Variants in CCDC17 observed in about 807,000 individuals in gnomAD.
CCDC17 encodes the protein coiled-coil domain containing 17, also known as coiled-coil domain-containing protein 17.
CCDC17 carries 79 observed loss-of-function variants against 68.0 expected under a neutral mutation model. The observed-to-expected ratio is 1.16, with a 90% confidence interval of 0.97 to 1.40. The LOEUF is 1.40. Ranked by LOEUF, CCDC17 falls within the 40% of genes most tolerant of loss-of-function variation. CCDC17 has a pLI of 0.00. For synonymous variants in CCDC17, 376 were observed against 337.5 expected (o/e 1.11, Z -1.25); for missense variants, 846 against 811.5 (o/e 1.04, Z -0.52).
chr1:45,623,005 T>TC lies in CCDC17; in HGVS notation c.605dup (p.Ala203SerfsTer100), dbSNP rs1644328676. ...TGCGGGCCCCCAACACCTCTAGAGC[T>TC]CCCCGCGTCCTCCCGGCCTCAGCTT... is the stretch of plus-strand genomic sequence containing the variant. On this transcript the variant is annotated frameshift_variant, in exon 4 of 13. Coordinates refer to ENST00000528266, the MANE Select transcript of CCDC17 (RefSeq NM_001114938.3). LOFTEE classifies it high-confidence loss of function. 5 of 1,612,022 alleles carry TC rather than the reference T, an allele frequency of 3.1e-6. No individual in the cohort carries two copies. Among genetic ancestry groups the TC allele is most frequent in the Non-Finnish European group, 4.2e-6 (5 of 1,179,020 alleles).
rs2275085 is a variant in CCDC17 at position 45,620,180 on chromosome 1, C to T, written c.*95G>A. 0.7 allele frequency: 974,364 copies of T among 1,392,158 alleles called. 341,969 individuals are homozygous for T. Among genetic ancestry groups the T allele is most frequent in the African/African-American group, 0.76 (51,244 of 67,860 alleles). 86.2% of individuals were successfully genotyped at this position (1,392,158 alleles called of 1,614,324 possible). A position where few individuals can be genotyped will look rare whatever the true frequency, so the allele number is the denominator to read the frequency against. ...TACTCAACTGCTAGATGCTTCTAGA[C>T]CCAATGTCAGAACATGGAGTAGTAA... On this transcript the variant is annotated 3_prime_UTR_variant, in exon 13 of 13. Transcript: ENST00000528266.
chr1:45,622,487 T>TCC, intron 6 of CCDC17, 62 bp downstream of exon 6: 1 of 1,504,876 alleles, frequency 6.6e-7, no homozygotes. Context: ...CCACAGGCCC[T>TCC]CCCTCGAGTT....
Position 45,622,431 on chromosome 1 carries a change from G to A in CCDC17, c.860-83C>T, listed in dbSNP as rs527286722. ...CTGTGAGCAGCTCTCCAGCGCTAAGGCTCTTCGGATAAGGCTGGACTTGTC... is the reference window on the plus strand; with the variant it reads ...CTGTGAGCAGCTCTCCAGCGCTAAGACTCTTCGGATAAGGCTGGACTTGTC... On this transcript the variant is annotated intron_variant, in intron 6 of 12. Transcript: ENST00000528266. The A allele has an allele frequency of 6.0e-5, 88 of 1,474,818 alleles. 2 individuals carry two copies. In the African/African-American group the frequency reaches 1.1e-3, roughly 18 times the overall value. 91.4% of individuals were successfully genotyped at this position (1,474,818 alleles called of 1,614,324 possible).
chr1:45,622,445 G>C (rs1644300427), intron 6 of CCDC17, 97 bp from the exon 7 acceptor site: 10 of 1,469,212 alleles, frequency 6.8e-6, no homozygotes, highest in Non-Finnish European at 8.3e-6. Flanking sequence ...TTCGGATAAG[G>C]CTGGACTTGT....
Position 45,620,252 on chromosome 1 carries a change from C to T in CCDC17, c.*23G>A. On this transcript the variant is annotated 3_prime_UTR_variant, in exon 13 of 13. Coordinates refer to ENST00000528266, the MANE Select transcript of CCDC17 (RefSeq NM_001114938.3). The stretch of plus-strand genomic sequence containing the variant: ...CCCCAGTCCTGTGCATGTTCAGATG[C>T]TCATCTCCACATTCACTTGGGTTCA... 6.2e-7 allele frequency: 1 copy of T among 1,602,818 alleles called. No individual in the cohort carries two copies. The highest frequency in any genetic ancestry group is 8.5e-7 in the Non-Finnish European group (1 of 1,176,220).
rs999751032 is a variant in CCDC17 at position 45,623,453 on chromosome 1, C to G, written c.271-14G>C. The G allele has an allele frequency of 6.5e-7, 1 of 1,549,866 alleles. No homozygotes were observed. The highest frequency in any genetic ancestry group is 2.0e-5 in the Admixed American group (1 of 51,006). The stretch of plus-strand genomic sequence containing the variant: ...CAGCCACTGCACCTGGAGGTAACAG[C>G]GATCCGCGATCTCTGCGTGGGCAGA... On this transcript the variant is annotated splice_polypyrimidine_tract_variant and intron_variant, in intron 2 of 12. Transcript: ENST00000528266.
At chr1:45,622,205 T>G (rs745919310) in intron 7 of CCDC17, 36 bp downstream of exon 7, 86 of 1,571,432 alleles carry the variant, frequency 5.5e-5, no homozygotes, top group Admixed American at 1.1e-4. Context: ...TGGGGAGAGA[T>G]AAGTGGGATG....
chr1:45,620,495 G>GAGTT (rs761174547), intron 12 of CCDC17, 62 bp from the exon 13 acceptor site: 1 of 1,476,340 alleles, frequency 6.8e-7, no homozygotes, highest in African/African-American at 1.4e-5. Context: ...ACAGGTTTTG[G>GAGTT]AGTTAGTTAG....
In CCDC17 at chr1:45,623,022, C is replaced by G; in HGVS notation, c.589G>C (p.Ala197Pro). 1 of 1,612,940 alleles carries G rather than the reference C, an allele frequency of 6.2e-7. No individual in the cohort carries two copies. The highest frequency in any genetic ancestry group is 8.5e-7 in the Non-Finnish European group (1 of 1,179,454). ...TCTAGAGCTCCCCGCGTCCTCCCGG[C>G]CTCAGCTTGTAGTTCTCGAATCTCC... ...EQEIRELQAE[A>P]GRTRGALEVL... The change falls in exon 4 of 13, where the codon GCC (alanine) becomes CCC (proline). Residue 197 changes from alanine to proline, a missense_variant. Physicochemically the swap from Ala to Pro is conservative, Grantham distance 27. Coordinates refer to ENST00000528266, the MANE Select transcript of CCDC17 (RefSeq NM_001114938.3).
Position 45,623,744 on chromosome 1 carries a change from G to C in CCDC17, c.166C>G (p.Arg56Gly), listed in dbSNP as rs1013491153. 2 of 1,550,598 alleles carry C rather than the reference G, an allele frequency of 1.3e-6. No homozygotes were observed. Among genetic ancestry groups the C allele is most frequent in the African/African-American group, 2.7e-5 (2 of 73,020 alleles). The change falls in exon 1 of 13, where the codon CGG becomes GGG. Residue 56 changes from arginine to glycine, a missense_variant. Transcript: ENST00000528266. Reference sequence around the variant, plus strand: ...GCCATGGAGGCCCTTACCGCGGCCCGCTGGGGTTCAGTGGCAACTGATGCC... The same window carrying C: ...GCCATGGAGGCCCTTACCGCGGCCCCCTGGGGTTCAGTGGCAACTGATGCC... ...AQASVATEPQ[R>G]AAVVPQEHQG...
chr1:45,620,997 T>A lies in CCDC17; in HGVS notation c.1505A>T (p.Asp502Val), dbSNP rs762510060. The A allele has an allele frequency of 6.2e-7, 1 of 1,613,908 alleles. No individual in the cohort carries two copies. The highest frequency in any genetic ancestry group is 1.1e-5 in the South Asian group (1 of 91,050). Reference protein sequence around the residue: ...AWVSLGLFDQDQRVLSGRWRL... With the variant: ...AWVSLGLFDQVQRVLSGRWRL... Reference sequence around the variant, plus strand: ...CCAGCGGCCACTTAGCACCCGCTGATCTTGGTCAAATAGTCCAAGTGAGAC... The same window carrying A: ...CCAGCGGCCACTTAGCACCCGCTGAACTTGGTCAAATAGTCCAAGTGAGAC... Residue 502 changes from aspartate (D) to valine (V), a missense_variant, in exon 11 of 13, where the codon GAT (aspartate) becomes GTT (valine). Coordinates refer to ENST00000528266, the MANE Select transcript of CCDC17 (RefSeq NM_001114938.3).
rs1644361735 is a variant in CCDC17 at position 45,623,669 on chromosome 1, G to C, written c.175-17C>G. 1 of 1,551,666 alleles carries C rather than the reference G, an allele frequency of 6.4e-7. No individual in the cohort carries two copies. The highest frequency in any genetic ancestry group is 1.2e-5 in the South Asian group (1 of 84,066). ...TGGCACAACCTGGGGATAGGGTGTA[G>C]TAGGATGAGGAATCATAAAGGTCCT... On this transcript the variant is annotated splice_polypyrimidine_tract_variant and intron_variant, in intron 1 of 12. Transcript: ENST00000528266.
intron 6 of CCDC17, 64 bp downstream of exon 6, chr1:45,622,485 C>A (rs1557679075): frequency 1.3e-6 from 2 of 1,502,806 alleles, no homozygotes; most frequent in Non-Finnish European, 1.8e-6. Flanking sequence ...AGCCACAGGC[C>A]CTCCCTCGAG....
chr1:45,620,621 GTAA>G, intron 12 of CCDC17, 99 bp downstream of exon 12: 1 of 1,526,750 alleles, frequency 6.5e-7, no homozygotes, highest in African/African-American at 1.4e-5. Flanking sequence ...GAAAGCATTG[GTAA>G]TGACTGGCAC....
At chr1:45,622,037 C>T (rs574400376) in intron 7 of CCDC17, 42 bp from the exon 8 acceptor site, 27 of 1,552,258 alleles carry the variant, frequency 1.7e-5, no homozygotes, top group Non-Finnish European at 2.3e-5. Context: ...TTGGACAAAG[C>T]AGGTAATTAG....
Position 45,621,119 on chromosome 1 carries a change from G to A in CCDC17, c.1389-6C>T. ...CTGATGATGAGGGTGGTAGTCTGTAGAATAACCAAAAAGCAGTGTCGGAAG... is the reference window on the plus strand; with the variant it reads ...CTGATGATGAGGGTGGTAGTCTGTAAAATAACCAAAAAGCAGTGTCGGAAG... On this transcript the variant is annotated splice_polypyrimidine_tract_variant and splice_region_variant and intron_variant, in intron 10 of 12. Coordinates refer to ENST00000528266, the MANE Select transcript of CCDC17 (RefSeq NM_001114938.3). 6.2e-7 allele frequency: 1 copy of A among 1,613,084 alleles called. No individual in the cohort carries two copies. The highest frequency in any genetic ancestry group is 8.5e-7 in the Non-Finnish European group (1 of 1,179,446).
intron 12 of CCDC17, 128 bp from the exon 13 acceptor site, chr1:45,620,561 T>G: frequency 6.8e-7 from 1 of 1,470,008 alleles, no homozygotes; most frequent in South Asian, 1.4e-5. Context: ...TGCTTTGATT[T>G]CCTTATCTGT....
At position 45,623,238 on chromosome 1, in the gene CCDC17, C is replaced by A; in HGVS notation, c.472G>T (p.Ala158Ser). The stretch of plus-strand genomic sequence containing the variant: ...TCACCCTCGCCGCGTAGCTGCAGGG[C>A]CCGGCTCTGCGCTTCCATCTCCGCC... ...RVAEMEAQSR[A>S]LQLRGEELSR... The change falls in exon 3 of 13, where the codon GCC becomes TCC. Residue 158 changes from alanine to serine, a missense_variant. Coordinates refer to ENST00000528266, the MANE Select transcript of CCDC17 (RefSeq NM_001114938.3). 6.5e-7 allele frequency: 1 copy of A among 1,544,926 alleles called. No homozygotes were observed. The highest frequency in any genetic ancestry group is 1.2e-5 in the South Asian group (1 of 83,950).
chr1:45,622,370 T>C lies in CCDC17; in HGVS notation c.860-22A>G, dbSNP rs780161683. ...CTTCCTGCGATGAACAAGTGTGACC[T>C]GTCACCTTTGACCTCTGGTGACTGG... is the stretch of plus-strand genomic sequence containing the variant. On this transcript the variant is annotated intron_variant, in intron 6 of 12. Transcript: ENST00000528266. 5.7e-6 allele frequency: 9 copies of C among 1,592,736 alleles called. No individual in the cohort carries two copies. The East Asian group carries it at 2.0e-4, about 36-fold the overall frequency.
Sources: allele counts gnomAD v4.1 joint callset, GRCh38; gene constraint gnomAD v4.1.1; transcripts MANE v1.5; gene names NCBI Gene and HGNC (gene_info 2026-07-23, HGNC 2026-07-21).